Variants in CARNMT1 observed in about 807,000 individuals in gnomAD.
CARNMT1 encodes the protein protein-L-histidine N-pros-methyltransferase CARNMT1.
CARNMT1 carries 28 observed loss-of-function variants against 49.6 expected under a neutral mutation model. That is an observed-to-expected ratio of 0.56 (90% confidence interval 0.42 to 0.77). The LOEUF (loss-of-function observed/expected upper bound fraction) is 0.77. Ranked by LOEUF, CARNMT1 falls within the 30% of genes least tolerant of loss-of-function variation. The pLI is 0.00. For missense variants in CARNMT1, 421 were observed against 512.6 expected (o/e 0.82, Z 1.73); for synonymous variants, 178 against 175.0 (o/e 1.02, Z -0.13).
chr9:75,003,567 A>G (rs943586916), intron 3 of CARNMT1, among the ~76,000 whole-genome samples: 2 of 152,260 alleles, frequency 1.3e-5, no homozygotes, highest in Non-Finnish European at 2.9e-5. Flanking sequence ...CCAACCCCTG[A>G]TCTAATACAA....
intron 4 of CARNMT1, 87 bp from the exon 5 acceptor site, chr9:74,998,863 TGAA>T: frequency 1.4e-6 from 1 of 733,974 alleles, no homozygotes; most frequent in East Asian, 3.0e-5. Context: ...ACTGTTTAAT[TGAA>T]GATTTGCATA....
chr9:74,988,892 C>A (rs550699946), intron 6 of CARNMT1, among the ~76,000 whole-genome samples: 7 of 152,286 alleles, frequency 4.6e-5, no homozygotes, highest in Admixed American at 3.9e-4. Flanking sequence ...TATTTTATAA[C>A]ATGTTACTGT....
intron 3 of CARNMT1, among the ~76,000 whole-genome samples, chr9:75,002,924 G>C (rs1833404023): frequency 6.6e-6 from 1 of 152,054 alleles, no homozygotes; most frequent in Admixed American, 6.6e-5. Flanking sequence ...TATTTTTAGA[G>C]ATGGGGTTTC....
Position 74,998,662 on chromosome 9 carries a change from A to C in CARNMT1, c.846T>G (p.Ser282Arg). The change falls in exon 5 of 8, where the codon AGT becomes AGG. Residue 282 changes from serine to arginine, a missense_variant. Around this residue, in one of 2 missense-constraint regions of CARNMT1, gnomAD observed 235 missense variants for 344.8 expected, o/e 0.68. Transcript: ENST00000376834. The stretch of plus-strand genomic sequence containing the variant: ...TAGAAAAGTTAGAACCAGGAGGAAG[A>C]CTGTGGGGGTCAACATCAGGGAAAA... ...PIFFPDVDPHSLPPGSNFSMT... is the reference protein window; with the variant it reads ...PIFFPDVDPHRLPPGSNFSMT... The C allele has an allele frequency of 6.2e-7, 1 of 1,608,454 alleles. No individual in the cohort carries two copies. Among genetic ancestry groups the C allele is most frequent in the Non-Finnish European group, 8.5e-7 (1 of 1,177,252 alleles).
At chr9:75,028,346 C>T, upstream of CARNMT1, 1 of 1,305,518 alleles carries the variant, frequency 7.7e-7, no homozygotes, top group Non-Finnish European at 9.7e-7. Context: ...CGGACATGCC[C>T]CCAGCTCGCG....
chr9:75,013,813 G>T (rs1018925925), intron 3 of CARNMT1, among the ~76,000 whole-genome samples: 2 of 151,926 alleles, frequency 1.3e-5, no homozygotes, highest in Non-Finnish European at 2.9e-5. Context: ...AGACCAGCCT[G>T]TTCAACATAG....
intron 3 of CARNMT1, 54 bp from the exon 4 acceptor site, chr9:74,999,924 A>G: frequency 6.6e-7 from 1 of 1,526,116 alleles, no homozygotes; most frequent in Non-Finnish European, 8.8e-7. Flanking sequence ...AAAGGAAAAG[A>G]CAAAATCCAC....
chr9:74,984,399 C>T (rs1832765142), intron 7 of CARNMT1, among the ~76,000 whole-genome samples: 2 of 152,116 alleles, frequency 1.3e-5, no homozygotes, highest in African/African-American at 4.8e-5. Flanking sequence ...GGCTATTTCA[C>T]CAGAAAGTAG....
intron 6 of CARNMT1, among the ~76,000 whole-genome samples, chr9:74,988,386 C>A (rs1346741239): frequency 1.3e-5 from 2 of 152,182 alleles, no homozygotes; most frequent in Admixed American, 1.3e-4. Flanking sequence ...TATCTCCTTG[C>A]AGTCTTTCCT....
At chr9:75,015,207 G>A (rs181538288) in intron 3 of CARNMT1, among the ~76,000 whole-genome samples, 12 of 152,174 alleles carry the variant, frequency 7.9e-5, no homozygotes, top group African/African-American at 2.4e-4. Context: ...CCTCAATTAC[G>A]GATGCAGGCA....
intron 1 of CARNMT1, chr9:75,027,254 C>T (rs1822558083): frequency 1.7e-6 from 1 of 599,128 alleles, no homozygotes; most frequent in Admixed American, 6.3e-5. Context: ...AGTTAGGGAG[C>T]TGTTTTTATG....
intron 1 of CARNMT1, among the ~76,000 whole-genome samples, chr9:75,026,639 T>A (rs1822537228): frequency 6.6e-6 from 1 of 152,216 alleles, no homozygotes; most frequent in African/African-American, 2.4e-5. Flanking sequence ...CGTAAAGTAA[T>A]GCTGTCCCTG....
chr9:74,982,165 C>T lies in CARNMT1; in HGVS notation c.*1602G>A, dbSNP rs1832708449. 1 of 152,096 alleles carries T rather than the reference C, an allele frequency of 6.6e-6. No homozygotes were observed. Among genetic ancestry groups the T allele is most frequent in the South Asian group, 2.1e-4 (1 of 4,824 alleles). The allele number at this position is 152,096 out of a possible 1,614,324, so 9.4% of individuals were successfully genotyped here. On this transcript the variant is annotated 3_prime_UTR_variant, in exon 8 of 8. Transcript: ENST00000376834. ...AAGGTCCCCCCAACTAGTAAGATGC[C>T]AAATAGGGTAGTGACTCCCCAGCCT...
At position 75,016,368 on chromosome 9, in the gene CARNMT1, G is replaced by C; in HGVS notation, c.490C>G (p.Gln164Glu). ...DMDKLKSTLKQFVRDWSETGK... is the reference protein window; with the variant it reads ...DMDKLKSTLKEFVRDWSETGK... ...GTTTCACTCCAGTCTCTCACAAACT[G>C]TTTCAGCGTGGATTTTAACTTATCC... The change falls in exon 3 of 8, where the codon CAG becomes GAG. Residue 164 changes from glutamine to glutamate, a missense_variant. Gln to Glu is a conservative substitution (Grantham distance 29). Around this residue, in one of 2 missense-constraint regions of CARNMT1, gnomAD observed 235 missense variants for 344.8 expected, o/e 0.68. Transcript: ENST00000376834. 1 of 1,613,988 alleles carries C rather than the reference G, an allele frequency of 6.2e-7. No individual in the cohort carries two copies. Among genetic ancestry groups the C allele is most frequent in the Non-Finnish European group, 8.5e-7 (1 of 1,179,906 alleles).
intron 3 of CARNMT1, among the ~76,000 whole-genome samples, chr9:75,012,546 G>A (rs745665756): frequency 3.9e-5 from 6 of 151,988 alleles, no homozygotes; most frequent in Non-Finnish European, 5.9e-5. Flanking sequence ...CTCAGCCTAA[G>A]TGCTGGGATT....
In CARNMT1 at chr9:74,981,267, A is replaced by T. The variant is rs560506310; in HGVS notation, c.*2500T>A. On this transcript the variant is annotated 3_prime_UTR_variant, in exon 8 of 8. Coordinates refer to ENST00000376834, the MANE Select transcript of CARNMT1 (RefSeq NM_152420.3). ...CTTGCTCACTTGATTAGCATACCCTATATCTGCACTGCTTCAGAATATAGA... is the reference window on the plus strand; with the variant it reads ...CTTGCTCACTTGATTAGCATACCCTTTATCTGCACTGCTTCAGAATATAGA... 1 of 152,254 alleles carries T rather than the reference A, an allele frequency of 6.6e-6. No homozygotes were observed. Among genetic ancestry groups the T allele is most frequent in the African/African-American group, 2.4e-5 (1 of 41,572 alleles). 9.4% of individuals were successfully genotyped at this position (152,254 alleles called of 1,614,324 possible). A position where few individuals can be genotyped will look rare whatever the true frequency, so the allele number is the denominator to read the frequency against.
At chr9:75,011,692 C>T (rs557648054) in intron 3 of CARNMT1, among the ~76,000 whole-genome samples, 7 of 152,194 alleles carry the variant, frequency 4.6e-5, no homozygotes, top group East Asian at 1.9e-4. Flanking sequence ...CACTGTAAGA[C>T]GGTTGACAGC....
At chr9:75,010,453 G>A (rs1396212466) in intron 3 of CARNMT1, among the ~76,000 whole-genome samples, 1 of 152,104 alleles carries the variant, frequency 6.6e-6, no homozygotes, top group Non-Finnish European at 1.5e-5. Flanking sequence ...CTTATCAGCA[G>A]ATTAGCATAG....
intron 3 of CARNMT1, among the ~76,000 whole-genome samples, chr9:75,010,795 A>G (rs7857510): frequency 0.51 from 68,337 of 133,384 alleles, 15,590 homozygotes; most frequent in South Asian, 0.58. Flanking sequence ...TAATAAAGGT[A>G]GAGGCAGGGT....
Sources: allele counts gnomAD v4.1 joint callset (sites outside exome capture counted in the v4.1 genomes callset), GRCh38; gene constraint gnomAD v4.1.1; regional missense constraint gnomAD v4.1.1; transcripts MANE v1.5; gene names NCBI Gene and HGNC (gene_info 2026-07-23, HGNC 2026-07-21).